Variants in CLIC6 observed in about 807,000 individuals in gnomAD.
The protein encoded by CLIC6 is CLIC family member 6, also known as chloride intracellular channel protein 6.
A neutral mutation model predicts 49.2 loss-of-function variants in CLIC6; 39 were observed. The observed-to-expected ratio is 0.79, with a 90% CI of 0.61 to 1.04. The LOEUF is 1.04. Ranked by LOEUF, CLIC6 falls within the 50% of genes least tolerant of loss-of-function variation. The pLI, the probability that CLIC6 is intolerant of heterozygous loss-of-function variation, is 0.00. For synonymous variants in CLIC6, 446 were observed against 433.4 expected (o/e 1.03, Z -0.36); for missense variants, 988 against 993.1 (o/e 0.99, Z 0.07).
rs1990173987 is a variant in CLIC6, at chr21:34,700,740, C to A, written c.1375-6540C>A. On this transcript the variant is annotated intron_variant, in intron 1 of 5. Transcript: ENST00000349499. The stretch of plus-strand genomic sequence containing the variant: ...ACTGCTCAGGCTTTCTTAACACCGA[C>A]CCCAACAGTCAGAAGGGACCTTAGC... Among the ~76,000 whole-genome samples, 3 of 139,626 alleles carry A rather than the reference C, an allele frequency of 2.1e-5. 1 individual carries two copies. In the South Asian group the frequency reaches 6.8e-4, roughly 32 times the overall value. The allele number at this position is 139,626 out of a possible 152,430, so 91.6% of individuals were successfully genotyped here. A position where few individuals can be genotyped will look rare whatever the true frequency, so the allele number is the denominator to read the frequency against.
At chr21:34,700,011 C>T (rs931645871) in intron 1 of CLIC6, among the ~76,000 whole-genome samples, 2 of 152,128 alleles carry the variant, frequency 1.3e-5, no homozygotes, top group African/African-American at 2.4e-5. Flanking sequence ...GCTGGAGCCA[C>T]GTTGCCTGTT....
At chr21:34,685,063 G>A (rs1340874761) in intron 1 of CLIC6, among the ~76,000 whole-genome samples, 2 of 152,144 alleles carry the variant, frequency 1.3e-5, no homozygotes, top group African/African-American at 4.8e-5. Flanking sequence ...TGAGAGAGAA[G>A]AAAGCCTGGA....
chr21:34,672,823 TG>T (rs1267349819), intron 1 of CLIC6, among the ~76,000 whole-genome samples: 2 of 152,162 alleles, frequency 1.3e-5, no homozygotes, highest in Non-Finnish European at 2.9e-5. Flanking sequence ...ATTGATAAAA[TG>T]GGGACGGTAA....
rs142529844 is a variant in CLIC6, at chr21:34,680,285, T to C, written c.1374+9523T>C. On this transcript the variant is annotated intron_variant, in intron 1 of 5. Coordinates refer to ENST00000349499, the MANE Select transcript of CLIC6 (RefSeq NM_053277.3). Reference sequence around the variant, plus strand: ...GCCTGAGTTGTACCTCGGCCCCTTTTAGCCATGGCTGGAGCAGCTGGGATG... The same window carrying C: ...GCCTGAGTTGTACCTCGGCCCCTTTCAGCCATGGCTGGAGCAGCTGGGATG... Among the ~76,000 whole-genome samples, 709 of 152,324 alleles carry C rather than the reference T, an allele frequency of 4.7e-3. 7 individuals are homozygous for C. Among genetic ancestry groups the C allele is most frequent in the Middle Eastern group, 0.034 (10 of 294 alleles).
chr21:34,669,622 G>C lies in CLIC6; in HGVS notation c.234G>C (p.Gly78=), dbSNP rs894478743. The change falls in exon 1 of 6, where the codon GGG becomes GGC. Residue 78 remains glycine (G), a synonymous_variant. Transcript: ENST00000349499. The part of the protein sequence containing the change: ...GPEAEARGTR[G]AHGETEAEEG... ...AGGCCGAGGCGCGGGGCACGAGGGGGGCGCACGGCGAGACTGAGGCCGAGG... is the reference window on the plus strand; with the variant it reads ...AGGCCGAGGCGCGGGGCACGAGGGGCGCGCACGGCGAGACTGAGGCCGAGG... 14 of 1,279,816 alleles carry C rather than the reference G, an allele frequency of 1.1e-5. No individual in the cohort carries two copies. The highest frequency in any genetic ancestry group is 1.4e-5 in the Non-Finnish European group (14 of 1,016,394). The allele number at this position is 1,279,816 out of a possible 1,614,324, so 79.3% of individuals were successfully genotyped here.
At chr21:34,708,296 G>C (rs981521777) in intron 3 of CLIC6, among the ~76,000 whole-genome samples, 3 of 152,208 alleles carry the variant, frequency 2.0e-5, no homozygotes, top group Non-Finnish European at 4.4e-5. Flanking sequence ...AGTGGGAGGA[G>C]ATGGGTCCAG....
intron 1 of CLIC6, among the ~76,000 whole-genome samples, chr21:34,693,220 G>C (rs944705756): frequency 2.6e-5 from 4 of 152,192 alleles, no homozygotes; most frequent in Non-Finnish European, 5.9e-5. Flanking sequence ...AGAAAGACCA[G>C]CTTGTCCTAG....
intron 1 of CLIC6, among the ~76,000 whole-genome samples, chr21:34,682,801 A>ATTTTTTT (rs1172251761): frequency 1.2e-4 from 8 of 69,302 alleles, no homozygotes; most frequent in African/African-American, 1.3e-4. Context: ...CTTTCCCTCC[A>ATTTTTTT]TTTTTTTTTT....
intron 5 of CLIC6, among the ~76,000 whole-genome samples, chr21:34,712,973 T>C (rs2056066641): frequency 6.6e-6 from 1 of 152,210 alleles, no homozygotes; most frequent in Non-Finnish European, 1.5e-5. Flanking sequence ...GACAAGGTGC[T>C]TGGGAGCAAA....
chr21:34,673,171 C>G (rs74590375), intron 1 of CLIC6, among the ~76,000 whole-genome samples: 4,698 of 152,124 alleles, frequency 0.031, 243 homozygotes, highest in African/African-American at 0.11. Flanking sequence ...AGCAGCGGCC[C>G]AGCACGAGCA....
At chr21:34,696,371 A>T (rs1207426315) in intron 1 of CLIC6, among the ~76,000 whole-genome samples, 1 of 152,172 alleles carries the variant, frequency 6.6e-6, no homozygotes, top group African/African-American at 2.4e-5. Context: ...ATCACCATGG[A>T]TTCCAAACCT....
At chr21:34,680,748 A>T (rs1465866464) in intron 1 of CLIC6, among the ~76,000 whole-genome samples, 1 of 152,198 alleles carries the variant, frequency 6.6e-6, no homozygotes, top group East Asian at 1.9e-4. Flanking sequence ...ACTCCCAATA[A>T]GTTCCCCATC....
intron 1 of CLIC6, among the ~76,000 whole-genome samples, chr21:34,676,733 A>G (rs1281783592): frequency 1.3e-5 from 2 of 152,136 alleles, no homozygotes; most frequent in African/African-American, 2.4e-5. Context: ...AGACACAACC[A>G]TTTTCCTTTC....
intron 5 of CLIC6, among the ~76,000 whole-genome samples, chr21:34,712,530 G>A (rs1483732635): frequency 6.6e-6 from 1 of 152,166 alleles, no homozygotes; most frequent in Non-Finnish European, 1.5e-5. Context: ...TAGAGCATGA[G>A]ATGGGCCAGG....
chr21:34,697,832 G>T (rs1293733902), intron 1 of CLIC6, among the ~76,000 whole-genome samples: 1 of 152,256 alleles, frequency 6.6e-6, no homozygotes, highest in Non-Finnish European at 1.5e-5. Context: ...TGCGGGGCCT[G>T]CCAAGGCTCT....
At chr21:34,672,653 T>A (rs1989587215) in intron 1 of CLIC6, among the ~76,000 whole-genome samples, 1 of 152,158 alleles carries the variant, frequency 6.6e-6, no homozygotes, top group Admixed American at 6.5e-5. Flanking sequence ...AGGTGTGGGA[T>A]GTGGTGAAGG....
chr21:34,705,321 T>G (rs1347726641), intron 1 of CLIC6, among the ~76,000 whole-genome samples: 5 of 152,080 alleles, frequency 3.3e-5, no homozygotes, highest in Admixed American at 2.6e-4. Flanking sequence ...GCTCTGCACT[T>G]CCACTTGCTC....
At chr21:34,693,535 T>C (rs929253063) in intron 1 of CLIC6, among the ~76,000 whole-genome samples, 18 of 152,222 alleles carry the variant, frequency 1.2e-4, no homozygotes, top group Admixed American at 9.8e-4. Flanking sequence ...TCATGGGTAG[T>C]CCCTTCATCC....
chr21:34,672,427 A>G (rs930061644), intron 1 of CLIC6, among the ~76,000 whole-genome samples: 1 of 151,928 alleles, frequency 6.6e-6, no homozygotes, highest in African/African-American at 2.4e-5. Context: ...CTGCCTTGAA[A>G]CTTTCTACAT....
Sources: allele counts gnomAD v4.1 joint callset (sites outside exome capture counted in the v4.1 genomes callset), GRCh38; gene constraint gnomAD v4.1.1; transcripts MANE v1.5; gene names NCBI Gene and HGNC (gene_info 2026-07-23, HGNC 2026-07-21).